The following PHF3 variants were observed in gnomAD, a reference collection of about 807,000 sequenced individuals.
PHF3 encodes the protein PHD finger protein 3.
PHF3 carries 41 observed loss-of-function variants against 178.4 expected under a neutral mutation model. The observed-to-expected ratio is 0.23, with a 90% CI of 0.18 to 0.30. The LOEUF (loss-of-function observed/expected upper bound fraction) is 0.30. PHF3 is among the 10% of genes least tolerant of loss of function. The pLI, the probability that PHF3 is intolerant of heterozygous loss-of-function variation, is 1.00. For missense variants in PHF3, 2,346 were observed against 2,398.1 expected (o/e 0.98, Z 0.45); for synonymous variants, 842 against 800.5 (o/e 1.05, Z -0.88).
At chr6:63,652,888 G>T (rs1019440863) in intron 2 of PHF3, among the ~76,000 whole-genome samples, 2 of 151,870 alleles carry the variant, frequency 1.3e-5, no homozygotes, top group African/African-American at 4.8e-5. Flanking sequence ...CCATTGGTGT[G>T]TATGTCTGTT....
intron 3 of PHF3, among the ~76,000 whole-genome samples, chr6:63,681,397 C>T (rs1248990087): frequency 6.6e-6 from 1 of 151,860 alleles, no homozygotes; most frequent in East Asian, 1.9e-4. Flanking sequence ...ATTGTTAATT[C>T]CTCTCTTTAT....
chr6:63,707,007 ATATAAT>A (rs1052216725), intron 13 of PHF3, 131 bp downstream of exon 13: 128 of 758,826 alleles, frequency 1.7e-4, no homozygotes, highest in Admixed American at 7.8e-4. Flanking sequence ...AGTCCAAGTA[ATATAAT>A]TATGAATTAA....
rs1768355488 is a variant in PHF3, at chr6:63,720,887, A to G, written c.*7179A>G. 1 of 1,551,086 alleles carries G rather than the reference A, an allele frequency of 6.4e-7. No homozygotes were observed. The highest frequency in any genetic ancestry group is 1.2e-5 in the South Asian group (1 of 84,054). ...TGATAAGAGTCTGATTTTGAATTAC[A>G]ACTACATGGTGCCATTTATTACAAC... On this transcript the variant is annotated 3_prime_UTR_variant, in exon 16 of 16. Transcript: ENST00000262043.
intron 12 of PHF3, 37 bp downstream of exon 12, chr6:63,706,261 A>G (rs1304873736): frequency 2.0e-6 from 3 of 1,488,054 alleles, no homozygotes; most frequent in African/African-American, 1.4e-5. Flanking sequence ...AATACTCATT[A>G]TAGATCTTTG....
rs566373556 is a variant in PHF3, at chr6:63,714,795, A to G, written c.*1087A>G. 1 of 152,236 alleles carries G rather than the reference A, an allele frequency of 6.6e-6. No individual in the cohort carries two copies. The highest frequency in any genetic ancestry group is 1.9e-4 in the East Asian group (1 of 5,188). The allele number at this position is 152,236 out of a possible 1,614,324, so 9.4% of individuals were successfully genotyped here. ...TAAAGACCGCAGAACTTGAAGAGAA[A>G]TATGTTTTGAATCCTTTTATAAAAT... On this transcript the variant is annotated 3_prime_UTR_variant, in exon 16 of 16. Coordinates refer to ENST00000262043, the MANE Select transcript of PHF3 (RefSeq NM_001370348.2).
chr6:63,706,056 T>C lies in PHF3; in HGVS notation c.3395T>C (p.Leu1132Pro). Residue 1132 changes from leucine to proline, a missense_variant, in exon 12 of 16, where the codon CTT (leucine) becomes CCT (proline). Physicochemically the swap from Leu to Pro is moderately conservative, Grantham distance 98. Transcript: ENST00000262043. The part of the protein sequence containing the change: ...IGRMAPPVDD[L>P]SPKKVKVVVG... ...CGAATGGCACCACCTGTAGATGATCTTTCTCCAAAAAAAGTAAAAGTTGTT... is the reference window on the plus strand; with the variant it reads ...CGAATGGCACCACCTGTAGATGATCCTTCTCCAAAAAAAGTAAAAGTTGTT... 1 of 1,613,450 alleles carries C rather than the reference T, an allele frequency of 6.2e-7. No homozygotes were observed. Among genetic ancestry groups the C allele is most frequent in the Non-Finnish European group, 8.5e-7 (1 of 1,179,820 alleles).
chr6:63,685,964 T>A, intron 4 of PHF3, 53 bp downstream of exon 4: 1 of 1,299,960 alleles, frequency 7.7e-7, no homozygotes. Context: ...AAATTGCTTT[T>A]TTGGGGGTGG....
At chr6:63,700,946 G>A (rs1156947600) in intron 9 of PHF3, among the ~76,000 whole-genome samples, 1 of 151,868 alleles carries the variant, frequency 6.6e-6, no homozygotes, top group Non-Finnish European at 1.5e-5. Context: ...ATCTTGTCAG[G>A]TTTTTTTCTC....
In PHF3 at chr6:63,713,823, T is replaced by G; in HGVS notation, c.*115T>G. On this transcript the variant is annotated 3_prime_UTR_variant, in exon 16 of 16. Coordinates refer to ENST00000262043, the MANE Select transcript of PHF3 (RefSeq NM_001370348.2). Reference sequence around the variant, plus strand: ...CCATCTTTAAAATTTTTACTATTGGTCATTTGCAGAACAGTAAATTCTGTG... The same window carrying G: ...CCATCTTTAAAATTTTTACTATTGGGCATTTGCAGAACAGTAAATTCTGTG... 1 of 832,838 alleles carries G rather than the reference T, an allele frequency of 1.2e-6. No homozygotes were observed. Among genetic ancestry groups the G allele is most frequent in the Non-Finnish European group, 1.8e-6 (1 of 544,500 alleles). The allele number at this position is 832,838 out of a possible 1,614,324, so 51.6% of individuals were successfully genotyped here. A position where few individuals can be genotyped will look rare whatever the true frequency, so the allele number is the denominator to read the frequency against.
rs768248434 is a variant in PHF3, at chr6:63,713,617, G to A, written c.6029G>A (p.Arg2010Gln). 9 of 1,613,256 alleles carry A rather than the reference G, an allele frequency of 5.6e-6. No homozygotes were observed. In the Admixed American group the frequency reaches 8.3e-5, roughly 15 times the overall value. Residue 2010 changes from arginine to glutamine, a missense_variant, in exon 16 of 16, where the codon CGA (arginine) becomes CAA (glutamine). Physicochemically the swap from Arg to Gln is conservative, Grantham distance 43. Around this residue, in one of 8 missense-constraint regions of PHF3, gnomAD observed 839 missense variants for 806.9 expected, o/e 1.04. Transcript: ENST00000262043. ...KSEDYEKDKE[R>Q]EKSKHREGEK... Reference sequence around the variant, plus strand: ...GAAGACTATGAGAAGGACAAAGAACGAGAGAAAAGTAAACACAGAGAAGGA... The same window carrying A: ...GAAGACTATGAGAAGGACAAAGAACAAGAGAAAAGTAAACACAGAGAAGGA...
Position 63,714,777 on chromosome 6 carries a change from C to T in PHF3, c.*1069C>T, listed in dbSNP as rs1053810580. 7.9e-5 allele frequency: 12 copies of T among 151,794 alleles called. No individual in the cohort carries two copies. Among genetic ancestry groups the T allele is most frequent in the Admixed American group, 4.6e-4 (7 of 15,200 alleles). The allele number at this position is 151,794 out of a possible 1,614,324, so 9.4% of individuals were successfully genotyped here. Reference sequence around the variant, plus strand: ...CTCACTAATCATTAAAATTAAAGACCGCAGAACTTGAAGAGAAATATGTTT... The same window carrying T: ...CTCACTAATCATTAAAATTAAAGACTGCAGAACTTGAAGAGAAATATGTTT... On this transcript the variant is annotated 3_prime_UTR_variant, in exon 16 of 16. Coordinates refer to ENST00000262043, the MANE Select transcript of PHF3 (RefSeq NM_001370348.2).
At chr6:63,688,627 G>A (rs891423243) in intron 4 of PHF3, among the ~76,000 whole-genome samples, 3 of 151,828 alleles carry the variant, frequency 2.0e-5, no homozygotes, top group African/African-American at 7.3e-5. Flanking sequence ...AAGCCATGGC[G>A]CCCAGCTGAT....
At chr6:63,711,515 G>C in intron 15 of PHF3, 71 bp from the exon 16 acceptor site, 1 of 1,424,262 alleles carries the variant, frequency 7.0e-7, no homozygotes, top group Admixed American at 2.3e-5. Flanking sequence ...TAATAAGTTA[G>C]AGGCAGAATT....
chr6:63,718,103 G>A lies in PHF3; in HGVS notation c.*4395G>A, dbSNP rs901708504. On this transcript the variant is annotated 3_prime_UTR_variant, in exon 16 of 16. Coordinates refer to ENST00000262043, the MANE Select transcript of PHF3 (RefSeq NM_001370348.2). ...TTACATGAACTTTCCAGGATTTTAA[G>A]GTGAAAAATATATTTTCAAGTCATT... 1.3e-5 allele frequency among the ~76,000 whole-genome samples: 2 copies of A among 151,954 alleles called. No individual in the cohort carries two copies. The highest frequency in any genetic ancestry group is 4.8e-5 in the African/African-American group (2 of 41,414).
rs1764299922 is a variant in PHF3 at position 63,635,807 on chromosome 6, G to A, written c.-369G>A. The A allele has an allele frequency of 7.6e-6, 3 of 393,892 alleles. No homozygotes were observed. Among genetic ancestry groups the A allele is most frequent in the Non-Finnish European group, 1.3e-5 (3 of 223,104 alleles). 24.4% of individuals were successfully genotyped at this position (393,892 alleles called of 1,614,324 possible). The stretch of plus-strand genomic sequence containing the variant: ...CGGCCCCCGGAACGGTAAACAGTGG[G>A]GTCACGTGACACGGCCCCTCTCCAG... On this transcript the variant is annotated 5_prime_UTR_variant, in exon 1 of 16. Coordinates refer to ENST00000262043, the MANE Select transcript of PHF3 (RefSeq NM_001370348.2).
At chr6:63,676,224 T>G (rs956559287) in intron 2 of PHF3, among the ~76,000 whole-genome samples, 1 of 152,238 alleles carries the variant, frequency 6.6e-6, no homozygotes, top group Admixed American at 6.5e-5. Flanking sequence ...CTGGAATACC[T>G]ACTATACACA....
At chr6:63,699,920 C>A (rs1445355994) in intron 8 of PHF3, among the ~76,000 whole-genome samples, 1 of 152,108 alleles carries the variant, frequency 6.6e-6, no homozygotes, top group East Asian at 1.9e-4. Context: ...TTCTTTCTTG[C>A]AGGTGGTTTT....
rs184523199 is a variant in PHF3, at chr6:63,657,480, A to G, written c.244+10685A>G. 1.9e-3 allele frequency among the ~76,000 whole-genome samples: 297 copies of G among 152,338 alleles called. 1 individual carries two copies. Among genetic ancestry groups the G allele is most frequent in the Non-Finnish European group, 3.7e-3 (249 of 68,036 alleles). Reference sequence around the variant, plus strand: ...ACATTATATGTTACGTGTATTATCTACTGTATTCTTACAATAAAGTACACT... The same window carrying G: ...ACATTATATGTTACGTGTATTATCTGCTGTATTCTTACAATAAAGTACACT... On this transcript the variant is annotated intron_variant, in intron 2 of 15. Transcript: ENST00000262043.
chr6:63,681,256 T>C (rs1766423259), intron 3 of PHF3, among the ~76,000 whole-genome samples: 1 of 152,052 alleles, frequency 6.6e-6, no homozygotes, highest in African/African-American at 2.4e-5. Context: ...TCAGCTTTGG[T>C]GTTTTGATAT....
Sources: allele counts gnomAD v4.1 joint callset (sites outside exome capture counted in the v4.1 genomes callset), GRCh38; gene constraint gnomAD v4.1.1; regional missense constraint gnomAD v4.1.1; transcripts MANE v1.5; gene names NCBI Gene and HGNC (gene_info 2026-07-23, HGNC 2026-07-21).